The following MGST3 variants were observed in gnomAD, a reference collection of about 807,000 sequenced individuals.
MGST3 encodes glutathione S-transferase 3, mitochondrial.
A neutral mutation model predicts 15.8 loss-of-function variants in MGST3; 13 were observed. The ratio of observed to expected loss-of-function variants is 0.82; its 90% CI spans 0.54 to 1.31. MGST3 has a LOEUF of 1.31. Ranked by LOEUF, MGST3 falls within the 50% of genes most tolerant of loss-of-function variation. MGST3 has a pLI of 0.00. For missense variants in MGST3, 155 were observed against 192.4 expected, an observed-to-expected ratio of 0.81 and a Z score of 1.15; for synonymous variants, 49 against 68.1, an observed-to-expected ratio of 0.72 and a Z score of 1.38.
At chr1:165,637,572 C>T (rs1445591087) in intron 1 of MGST3, among the ~76,000 whole-genome samples, 1 of 152,178 alleles carries the variant, frequency 6.6e-6, no homozygotes, top group East Asian at 1.9e-4. Context: ...GTTCAGGAAG[C>T]TTTCTGGGTA....
At chr1:165,653,177 G>T (rs1398368861) in intron 4 of MGST3, among the ~76,000 whole-genome samples, 1 of 152,142 alleles carries the variant, frequency 6.6e-6, no homozygotes, top group African/African-American at 2.4e-5. Flanking sequence ...TGCCTCTAAA[G>T]ATCCCCATTC....
At chr1:165,644,084 A>G (rs1004685322) in intron 1 of MGST3, among the ~76,000 whole-genome samples, 9 of 151,400 alleles carry the variant, frequency 5.9e-5, no homozygotes, top group Non-Finnish European at 1.2e-4. Flanking sequence ...ACCTATTGCC[A>G]GGCTGTCCTC....
intron 1 of MGST3, 189 bp from the exon 2 acceptor site, chr1:165,649,652 G>A (rs1349547262): frequency 1.6e-6 from 1 of 634,676 alleles, no homozygotes; most frequent in Non-Finnish European, 2.7e-6. Flanking sequence ...CTGCATAGTT[G>A]AGTAATTTTT....
intron 5 of MGST3, among the ~76,000 whole-genome samples, 174 bp from the exon 6 acceptor site, chr1:165,655,194 T>C (rs1347657750): frequency 6.6e-6 from 1 of 152,238 alleles, no homozygotes; most frequent in Non-Finnish European, 1.5e-5. Context: ...GGCACGTTAC[T>C]TGGCATGTGG....
At chr1:165,649,545 C>G in intron 1 of MGST3, 1 of 358,070 alleles carries the variant, frequency 2.8e-6, no homozygotes, top group Non-Finnish European at 5.2e-6. Context: ...GCAACGACTA[C>G]TGCAGTGGTG....
At chr1:165,634,926 C>T (rs1009766816) in intron 1 of MGST3, among the ~76,000 whole-genome samples, 17 of 151,800 alleles carry the variant, frequency 1.1e-4, no homozygotes, top group African/African-American at 3.9e-4. Context: ...AGGAATCATT[C>T]TGAGAAAATA....
chr1:165,631,763 A>C (rs74118846), intron 1 of MGST3, among the ~76,000 whole-genome samples: 1 of 152,174 alleles, frequency 6.6e-6, no homozygotes, highest in African/African-American at 2.4e-5. Flanking sequence ...CCTGTGAGCA[A>C]TGCACCCGCT....
intron 3 of MGST3, 145 bp downstream of exon 3, chr1:165,651,232 T>C (rs1648546145): frequency 4.1e-6 from 3 of 735,636 alleles, no homozygotes; most frequent in African/African-American, 3.4e-5. Context: ...TCAAAAATTA[T>C]GTATGTGAAC....
At position 165,653,191 on chromosome 1, in the gene MGST3, G is replaced by C. The variant is rs933921056; in HGVS notation, c.250-1088G>C. Among the ~76,000 whole-genome samples, 7 of 152,146 alleles carry C rather than the reference G, an allele frequency of 4.6e-5. 1 individual carries two copies. The South Asian group carries it at 1.5e-3, about 32-fold the overall frequency. The stretch of plus-strand genomic sequence containing the variant: ...GTGCCTCTAAAGATCCCCATTCCTA[G>C]CAAGTGACTAGACTAGCTGATCTGA... On this transcript the variant is annotated intron_variant, in intron 4 of 5. Coordinates refer to ENST00000367889, the MANE Select transcript of MGST3 (RefSeq NM_004528.4).
chr1:165,639,528 C>G (rs1012162812), intron 1 of MGST3, among the ~76,000 whole-genome samples: 1 of 152,170 alleles, frequency 6.6e-6, no homozygotes, highest in African/African-American at 2.4e-5. Context: ...CTAGGCCTGG[C>G]GCGGTGGCCC....
intron 3 of MGST3, 31 bp from the exon 4 acceptor site, chr1:165,651,947 C>CT: frequency 7.1e-7 from 1 of 1,410,340 alleles, no homozygotes; most frequent in Non-Finnish European, 9.9e-7. Flanking sequence ...AAAAAGGGCA[C>CT]TTTTTAAAAG....
intron 1 of MGST3, among the ~76,000 whole-genome samples, chr1:165,639,718 G>T (rs1648211682): frequency 6.6e-6 from 1 of 152,126 alleles, no homozygotes; most frequent in Non-Finnish European, 1.5e-5. Context: ...CATGAGAATT[G>T]CTTGAACCCG....
At chr1:165,650,313 T>C (rs1337455358) in intron 2 of MGST3, 8 of 334,414 alleles carry the variant, frequency 2.4e-5, no homozygotes. Flanking sequence ...TGTGCCACTT[T>C]AAAAATGATG....
rs538116492 is a variant in MGST3 at position 165,654,527 on chromosome 1, C to CA, written c.322+182dup. Among the ~76,000 whole-genome samples, 9 of 152,100 alleles carry CA rather than the reference C, an allele frequency of 5.9e-5. No homozygotes were observed. In the East Asian group the frequency reaches 1.7e-3, roughly 29 times the overall value. ...GCAACATGGTGAAACCCTGTCTCTA[C>CA]AAAAAATACAAAAATTAGCCGGATG... On this transcript the variant is annotated intron_variant, in intron 5 of 5. Transcript: ENST00000367889.
chr1:165,655,513 A>T lies in MGST3; in HGVS notation c.*9A>T. ...CCAAATGCTGCCATTAAAGAATTATAGGGGTTTAAAAACTCTCATTCATTT... is the reference window on the plus strand; with the variant it reads ...CCAAATGCTGCCATTAAAGAATTATTGGGGTTTAAAAACTCTCATTCATTT... On this transcript the variant is annotated 3_prime_UTR_variant, in exon 6 of 6. Coordinates refer to ENST00000367889, the MANE Select transcript of MGST3 (RefSeq NM_004528.4). 6.2e-7 allele frequency: 1 copy of T among 1,614,070 alleles called. No homozygotes were observed. The highest frequency in any genetic ancestry group is 2.2e-5 in the East Asian group (1 of 44,884).
intron 1 of MGST3, among the ~76,000 whole-genome samples, chr1:165,638,664 T>C (rs1648179446): frequency 6.6e-6 from 1 of 152,124 alleles, no homozygotes; most frequent in African/African-American, 2.4e-5. Flanking sequence ...ATGTCTGTAA[T>C]CTCAGCTACT....
intron 1 of MGST3, among the ~76,000 whole-genome samples, chr1:165,639,528 C>T (rs1012162812): frequency 2.6e-5 from 4 of 152,170 alleles, no homozygotes; most frequent in Admixed American, 6.5e-5. Flanking sequence ...CTAGGCCTGG[C>T]GCGGTGGCCC....
intron 1 of MGST3, chr1:165,649,145 G>A (rs576375296): frequency 2.5e-4 from 38 of 152,942 alleles, no homozygotes; most frequent in Admixed American, 2.5e-3. Flanking sequence ...CAGGAGCCAT[G>A]CTCTGCTTTC....
intron 1 of MGST3, chr1:165,632,207 T>C: frequency 6.2e-7 from 1 of 1,608,544 alleles, no homozygotes. Flanking sequence ...GAGGCAGGGG[T>C]TAGAACTTTA....
Sources: allele counts gnomAD v4.1 joint callset (sites outside exome capture counted in the v4.1 genomes callset), GRCh38; gene constraint gnomAD v4.1.1; transcripts MANE v1.5; gene names NCBI Gene and HGNC (gene_info 2026-07-23, HGNC 2026-07-21).